TCF4: variants seen among roughly 807,000 people sequenced by gnomAD.
The protein encoded by TCF4 is transcription factor 4.
A neutral mutation model predicts 82.1 loss-of-function variants in TCF4; 3 were observed. That is an observed-to-expected ratio of 0.04 (90% CI 0.02 to 0.09). The LOEUF (loss-of-function observed/expected upper bound fraction) is 0.09. Ranked by LOEUF, TCF4 falls within the 10% of genes least tolerant of loss-of-function variation. The pLI is 1.00. For missense variants in TCF4, 518 were observed against 852.7 expected (o/e 0.61, Z 4.89); for synonymous variants, 276 against 309.6 (o/e 0.89, Z 1.14).
At chr18:55,271,632 T>A (rs987925624) in intron 10 of TCF4, among the ~76,000 whole-genome samples, 1 of 152,124 alleles carries the variant, frequency 6.6e-6, no homozygotes, top group African/African-American at 2.4e-5. Context: ...GCCTTTCAAA[T>A]TTTTAAATTC....
In TCF4 at chr18:55,461,057, T is replaced by C. The variant is rs1285313604; in HGVS notation, c.266A>G (p.Asp89Gly). The C allele has an allele frequency of 1.2e-6, 2 of 1,613,444 alleles. No individual in the cohort carries two copies. The highest frequency in any genetic ancestry group is 1.7e-6 in the Non-Finnish European group (2 of 1,179,574). ...ATTGACAAAAGGTGGAGAGAGATTG[T>C]CATGTGACCCAAGGTCCCTGCTGGT... ...HMTSRDLGSH[D>G]NLSPPFVNSR... The change falls in exon 5 of 20, where the codon GAC becomes GGC. Residue 89 changes from aspartate (D) to glycine (G), a missense_variant. Physicochemically the swap from Asp to Gly is moderately conservative, Grantham distance 94 (BLOSUM62 -1). Transcript: ENST00000354452.
In TCF4 at chr18:55,300,669, T is replaced by A. The variant is rs115385072; in HGVS notation, c.550-21013A>T. 1.8e-3 allele frequency among the ~76,000 whole-genome samples: 279 copies of A among 152,252 alleles called. 3 individuals are homozygous for A. Among genetic ancestry groups the A allele is most frequent in the African/African-American group, 6.2e-3 (256 of 41,540 alleles). On this transcript the variant is annotated intron_variant, in intron 8 of 19. Transcript: ENST00000354452. ...GGCGTTGCCATCAAATGGTAATTGA[T>A]ACCATATGAGCCACAAAATAGAAAA...
At chr18:55,481,635 G>T (rs2096434559) in intron 3 of TCF4, among the ~76,000 whole-genome samples, 3 of 152,128 alleles carry the variant, frequency 2.0e-5, no homozygotes, top group Admixed American at 2.0e-4. Flanking sequence ...TCTAAATTCA[G>T]GCAGTACTCC....
intron 8 of TCF4, among the ~76,000 whole-genome samples, chr18:55,286,854 G>A (rs1332569838): frequency 6.6e-6 from 1 of 152,200 alleles, no homozygotes; most frequent in African/African-American, 2.4e-5. Flanking sequence ...TAGGAAATGT[G>A]CTTAGAAATA....
At chr18:55,579,287 T>C (rs1408229688) in intron 3 of TCF4, among the ~76,000 whole-genome samples, 1 of 151,776 alleles carries the variant, frequency 6.6e-6, no homozygotes, top group Non-Finnish European at 1.5e-5. Flanking sequence ...TATAAGCTAA[T>C]AAACCTGGTG....
chr18:55,332,147 A>C (rs146448737), intron 8 of TCF4: 1 of 152,170 alleles, frequency 6.6e-6, no homozygotes, highest in Non-Finnish European at 1.5e-5. Context: ...ACATTCAATT[A>C]TAAACATTTT....
chr18:55,605,236 T>C (rs1409073643), intron 2 of TCF4, among the ~76,000 whole-genome samples: 1 of 152,192 alleles, frequency 6.6e-6, no homozygotes, highest in Admixed American at 6.5e-5. Flanking sequence ...CCAATTGCCC[T>C]GTACAGTGGC....
At chr18:55,602,693 G>T (rs1211610947) in intron 2 of TCF4, among the ~76,000 whole-genome samples, 1 of 152,072 alleles carries the variant, frequency 6.6e-6, no homozygotes, top group Non-Finnish European at 1.5e-5. Context: ...ATTTACTCCT[G>T]CTTCCCATCT....
intron 12 of TCF4, 130 bp downstream of exon 12, chr18:55,261,336 A>C: frequency 8.8e-7 from 1 of 1,134,510 alleles, no homozygotes. Flanking sequence ...ACTGTTATGC[A>C]AGAAAGCTAG....
In TCF4 at chr18:55,511,331, T is replaced by TAAAAAAA. The variant is rs59685050; in HGVS notation, c.146-47201_146-47195dup. ...AGGTAATAGAGTAATTCCAAAAGTT[T>TAAAAAAA]AAAAAAAAAAAAAAAAAAAGCATTC... On this transcript the variant is annotated intron_variant, in intron 3 of 19. Transcript: ENST00000354452. Among the ~76,000 whole-genome samples the TAAAAAAA allele has an allele frequency of 7.2e-4, 95 of 131,368 alleles. 9 individuals are homozygous for TAAAAAAA. The highest frequency in any genetic ancestry group is 1.7e-3 in the African/African-American group (60 of 36,068). 86.2% of individuals were successfully genotyped at this position (131,368 alleles called of 152,430 possible). A position where few individuals can be genotyped will look rare whatever the true frequency, so the allele number is the denominator to read the frequency against.
At chr18:55,555,322 T>G (rs528151887) in intron 3 of TCF4, among the ~76,000 whole-genome samples, 25 of 152,296 alleles carry the variant, frequency 1.6e-4, no homozygotes, top group African/African-American at 5.1e-4. Context: ...GCCATCAGTT[T>G]GACTACCTGA....
chr18:55,229,426 C>G (rs1381260780), intron 17 of TCF4: 1 of 325,014 alleles, frequency 3.1e-6, no homozygotes, highest in African/African-American at 2.1e-5. Context: ...AGGCATTCAC[C>G]AACTTACGCC....
intron 8 of TCF4, among the ~76,000 whole-genome samples, chr18:55,322,835 A>G (rs2075943813): frequency 6.6e-6 from 1 of 152,246 alleles, no homozygotes; most frequent in Non-Finnish European, 1.5e-5. Flanking sequence ...GAACCGACGA[A>G]TATCTTACAG....
chr18:55,628,716 C>T (rs1210424594), intron 2 of TCF4, among the ~76,000 whole-genome samples: 1 of 152,154 alleles, frequency 6.6e-6, no homozygotes, highest in Non-Finnish European at 1.5e-5. Context: ...AAACTTCACA[C>T]CCTTGAAGGA....
In TCF4 at chr18:55,426,919, T is replaced by G. The variant is rs541313931; in HGVS notation, c.305-23401A>C. Among the ~76,000 whole-genome samples the G allele has an allele frequency of 5.9e-5, 9 of 152,224 alleles. No homozygotes were observed. In the East Asian group the frequency reaches 1.7e-3, roughly 29 times the overall value. On this transcript the variant is annotated intron_variant, in intron 5 of 19. Coordinates refer to ENST00000354452, the MANE Select transcript of TCF4 (RefSeq NM_001083962.2). ...TGTCTACCAACCAGTGTCATCACAG[T>G]ATAAATTCCAGTAACAATGTTCTTT... is the stretch of plus-strand genomic sequence containing the variant.
chr18:55,447,746 G>A (rs1327463206), intron 5 of TCF4, among the ~76,000 whole-genome samples: 1 of 152,114 alleles, frequency 6.6e-6, no homozygotes, highest in Non-Finnish European at 1.5e-5. Context: ...AGTCTGCTTT[G>A]CTTTCACAAA....
rs774907021 is a variant in TCF4 at position 55,510,529 on chromosome 18, C to G, written c.146-46392G>C. 37 of 1,351,378 alleles carry G rather than the reference C, an allele frequency of 2.7e-5. No individual in the cohort carries two copies. The South Asian group carries it at 4.5e-4, about 17-fold the overall frequency. The allele number at this position is 1,351,378 out of a possible 1,614,324, so 83.7% of individuals were successfully genotyped here. On this transcript the variant is annotated intron_variant, in intron 3 of 19. Coordinates refer to ENST00000354452, the MANE Select transcript of TCF4 (RefSeq NM_001083962.2). Reference sequence around the variant, plus strand: ...AGGATACAGAAGTCGATAGATCAAACATTTTAATCAAGAGTAAGCTTTTAA... The same window carrying G: ...AGGATACAGAAGTCGATAGATCAAAGATTTTAATCAAGAGTAAGCTTTTAA...
chr18:55,234,363 C>T (rs995032647), intron 16 of TCF4, 185 bp downstream of exon 16: 2 of 771,512 alleles, frequency 2.6e-6, no homozygotes, highest in Non-Finnish European at 4.2e-6. Context: ...GAAAACAGTC[C>T]CTGGAGAAAC....
intron 5 of TCF4, among the ~76,000 whole-genome samples, chr18:55,425,316 T>C (rs4374254): frequency 0.6 from 90,727 of 151,460 alleles, 29,031 homozygotes; most frequent in Non-Finnish European, 0.71. Context: ...CAAACATATT[T>C]TCAGAATGGT....
Sources: allele counts gnomAD v4.1 joint callset (sites outside exome capture counted in the v4.1 genomes callset), GRCh38; gene constraint gnomAD v4.1.1; transcripts MANE v1.5; gene names NCBI Gene and HGNC (gene_info 2026-07-23, HGNC 2026-07-21).